Variants in SEPTIN2 observed in about 807,000 individuals in gnomAD.
The protein encoded by SEPTIN2 is septin 2, also known as septin-2.
In SEPTIN2, 34 loss-of-function variants were observed where a neutral mutation model predicts 46.5. The ratio of observed to expected loss-of-function variants is 0.73; its 90% CI spans 0.56 to 0.97. SEPTIN2 has a LOEUF of 0.97. SEPTIN2 is among the 50% of genes least tolerant of loss of function. The probability of loss-of-function intolerance (pLI) is 0.00; values close to 1 mark genes in which losing one functional copy is unlikely to be tolerated. For missense variants in SEPTIN2, 347 were observed against 448.4 expected, an observed-to-expected ratio of 0.77 and a Z score of 2.04; for synonymous variants, 175 against 153.4, an observed-to-expected ratio of 1.14 and a Z score of -1.04.
chr2:241,338,798 AATAC>A (rs2080637326), intron 7 of SEPTIN2, among the ~76,000 whole-genome samples: 1 of 112,660 alleles, frequency 8.9e-6, no homozygotes, highest in Admixed American at 1.2e-4. Context: ...ATTTATATAT[AATAC>A]ATATTATATT....
intron 12 of SEPTIN2, chr2:241,351,738 T>C (rs2060812035): frequency 6.6e-6 from 1 of 152,236 alleles, no homozygotes; most frequent in Admixed American, 6.5e-5. Context: ...AAAATTTTAC[T>C]TTTAGATCGA....
In SEPTIN2 at chr2:241,324,444, G is replaced by C. The variant is rs769340837; in HGVS notation, c.9+203G>C. On this transcript the variant is annotated intron_variant, in intron 2 of 12. Transcript: ENST00000391971. ...TGTTCTGTCACCAGGCTGGAGTGCAGTGGCATGATCTCAGCTCACTGCAAC... is the reference window on the plus strand; with the variant it reads ...TGTTCTGTCACCAGGCTGGAGTGCACTGGCATGATCTCAGCTCACTGCAAC... 3.8e-5 allele frequency: 20 copies of C among 530,714 alleles called. No individual in the cohort carries two copies. In the East Asian group the frequency reaches 6.7e-4, roughly 18 times the overall value. 32.9% of individuals were successfully genotyped at this position (530,714 alleles called of 1,614,324 possible). A position where few individuals can be genotyped will look rare whatever the true frequency, so the allele number is the denominator to read the frequency against.
At chr2:241,342,787 C>T (rs939796710) in intron 7 of SEPTIN2, among the ~76,000 whole-genome samples, 7 of 152,060 alleles carry the variant, frequency 4.6e-5, no homozygotes, top group African/African-American at 1.2e-4. Context: ...CCACCTGCCT[C>T]GGCGTCCCAA....
At chr2:241,327,283 C>A (rs987863268) in intron 3 of SEPTIN2, among the ~76,000 whole-genome samples, 1 of 151,184 alleles carries the variant, frequency 6.6e-6, no homozygotes, top group Non-Finnish European at 1.5e-5. Context: ...AGGAAAGATA[C>A]AACAGAAAAC....
Position 241,353,694 on chromosome 2 carries a change from T to G in SEPTIN2, c.*1757T>G, listed in dbSNP as rs1447562398. ...CCATGCGGAGTCCATTATTTGAGTT[T>G]GACATTTAATAACTTTGCTGGAAAA... On this transcript the variant is annotated 3_prime_UTR_variant, in exon 13 of 13. Transcript: ENST00000391971. 5 of 152,914 alleles carry G rather than the reference T, an allele frequency of 3.3e-5. No individual in the cohort carries two copies. Among genetic ancestry groups the G allele is most frequent in the African/African-American group, 1.2e-4 (5 of 41,448 alleles). 9.5% of individuals were successfully genotyped at this position (152,914 alleles called of 1,614,324 possible).
rs773933272 is a variant in SEPTIN2 at position 241,316,559 on chromosome 2, C to G, written c.-18+577C>G. On this transcript the variant is annotated intron_variant, in intron 1 of 12. Coordinates refer to ENST00000391971, the MANE Select transcript of SEPTIN2 (RefSeq NM_004404.5). ...GACGAAGGTCTGCACCAGCGAGGCA[C>G]GGACAGGCAGCAGGGGGTAGGGTAT... is the stretch of plus-strand genomic sequence containing the variant. 156 of 1,512,560 alleles carry G rather than the reference C, an allele frequency of 1.0e-4. 1 individual carries two copies. The African/African-American group carries it at 1.9e-3, about 18-fold the overall frequency. 93.7% of individuals were successfully genotyped at this position (1,512,560 alleles called of 1,614,324 possible).
At chr2:241,316,402 G>T in intron 1 of SEPTIN2, 2 of 952,042 alleles carry the variant, frequency 2.1e-6, no homozygotes, top group South Asian at 1.9e-5. Flanking sequence ...TCTTTCTAAC[G>T]GTGCCATTTC....
At chr2:241,330,340 C>T (rs557345235) in intron 3 of SEPTIN2, among the ~76,000 whole-genome samples, 1 of 152,314 alleles carries the variant, frequency 6.6e-6, no homozygotes, top group Admixed American at 6.5e-5. Context: ...AAGAATTATA[C>T]CAGTCCACAT....
chr2:241,352,145 T>C lies in SEPTIN2; in HGVS notation c.*208T>C, dbSNP rs1396346972. 1.3e-5 allele frequency: 2 copies of C among 152,632 alleles called. No homozygotes were observed. The highest frequency in any genetic ancestry group is 1.3e-4 in the Admixed American group (2 of 15,288). 9.5% of individuals were successfully genotyped at this position (152,632 alleles called of 1,614,324 possible). On this transcript the variant is annotated 3_prime_UTR_variant, in exon 13 of 13. Coordinates refer to ENST00000391971, the MANE Select transcript of SEPTIN2 (RefSeq NM_004404.5). ...TTTTAACGTATGTATTTCATTGCTG[T>C]GTCACACTCTGTGTTTTGTGAGGTG...
chr2:241,315,407 G>A (rs2076028910), upstream of SEPTIN2: 1 of 152,040 alleles, frequency 6.6e-6, no homozygotes, highest in African/African-American at 2.4e-5. Context: ...TGGAGGACAG[G>A]AGGAGAGGCG....
intron 8 of SEPTIN2, 75 bp from the exon 9 acceptor site, chr2:241,343,677 C>T: frequency 6.5e-7 from 1 of 1,545,028 alleles, no homozygotes; most frequent in Non-Finnish European, 8.9e-7. Flanking sequence ...TAAGTCTGTG[C>T]TAATGTTCTC....
At chr2:241,327,107 A>G (rs530141467) in intron 3 of SEPTIN2, among the ~76,000 whole-genome samples, 128 of 151,572 alleles carry the variant, frequency 8.4e-4, no homozygotes, top group Non-Finnish European at 1.3e-3. Flanking sequence ...AACATTCACA[A>G]TGTCTAATGT....
In SEPTIN2 at chr2:241,348,294, C is replaced by G. The variant is rs955054448; in HGVS notation, c.984+103C>G. On this transcript the variant is annotated intron_variant, in intron 11 of 12. Transcript: ENST00000391971. ...CCAGGCTGGAGTGCAGTGGCGTGAT[C>G]TCGGCTCACTGCAACCTCTGCCTCC... The G allele has an allele frequency of 5.0e-6, 4 of 803,468 alleles. No individual in the cohort carries two copies. The African/African-American group carries it at 5.4e-5, about 11-fold the overall frequency. The allele number at this position is 803,468 out of a possible 1,614,324, so 49.8% of individuals were successfully genotyped here.
intron 12 of SEPTIN2, among the ~76,000 whole-genome samples, chr2:241,350,591 G>C (rs1299564262): frequency 2.0e-5 from 3 of 152,194 alleles, no homozygotes; most frequent in African/African-American, 7.2e-5. Context: ...ATAAAAACGT[G>C]TTATTAAAAC....
chr2:241,323,174 A>ATTT (rs1189964295), intron 1 of SEPTIN2, among the ~76,000 whole-genome samples: 12 of 140,660 alleles, frequency 8.5e-5, no homozygotes, highest in Admixed American at 4.3e-4. Flanking sequence ...CCACCATCTA[A>ATTT]TTTTTTTTTT....
At position 241,343,915 on chromosome 2, in the gene SEPTIN2, T is replaced by G. The variant is rs369655070; in HGVS notation, c.842+18T>G. On this transcript the variant is annotated intron_variant, in intron 9 of 12. Coordinates refer to ENST00000391971, the MANE Select transcript of SEPTIN2 (RefSeq NM_004404.5). ...ATGCTCATGTAAGACATTTGGTGTGTTCCTTCTGGCAGAATTTGGCGTGAA... is the reference window on the plus strand; with the variant it reads ...ATGCTCATGTAAGACATTTGGTGTGGTCCTTCTGGCAGAATTTGGCGTGAA... The G allele has an allele frequency of 5.6e-6, 9 of 1,612,956 alleles. No individual in the cohort carries two copies. The highest frequency in any genetic ancestry group is 1.3e-5 in the African/African-American group (1 of 75,036).
At chr2:241,332,706 C>A (rs1034555224) in intron 3 of SEPTIN2, among the ~76,000 whole-genome samples, 6 of 152,114 alleles carry the variant, frequency 3.9e-5, no homozygotes, top group African/African-American at 1.4e-4. Context: ...CAAAATAGCC[C>A]CAAACTGGGG....
chr2:241,334,839 T>C (rs2079652903), intron 3 of SEPTIN2, among the ~76,000 whole-genome samples: 1 of 152,242 alleles, frequency 6.6e-6, no homozygotes. Flanking sequence ...TTCCTCACAT[T>C]TGTGAACAGT....
intron 1 of SEPTIN2, among the ~76,000 whole-genome samples, chr2:241,321,266 ATTTT>A (rs543920192): frequency 6.8e-6 from 1 of 148,144 alleles, no homozygotes; most frequent in Non-Finnish European, 1.5e-5. Context: ...TCTCACTTGA[ATTTT>A]TTTTTTTAAG....
Sources: allele counts gnomAD v4.1 joint callset (sites outside exome capture counted in the v4.1 genomes callset), GRCh38; gene constraint gnomAD v4.1.1; transcripts MANE v1.5; gene names NCBI Gene and HGNC (gene_info 2026-07-23, HGNC 2026-07-21).